Variants in GPC5 observed in about 807,000 individuals in gnomAD.
The protein encoded by GPC5 is glypican 5.
A neutral mutation model predicts 53.9 loss-of-function variants in GPC5; 47 were observed. The observed-to-expected ratio is 0.87, with a 90% CI of 0.69 to 1.11. GPC5 has a LOEUF of 1.11. Among genes scored for constraint, GPC5 ranks in the 50% most tolerant of loss-of-function variants. GPC5 has a pLI of 0.00. For missense variants in GPC5, 748 were observed against 713.1 expected, an observed-to-expected ratio of 1.05 and a Z score of -0.56; for synonymous variants, 286 against 263.3, an observed-to-expected ratio of 1.09 and a Z score of -0.84.
intron 2 of GPC5, among the ~76,000 whole-genome samples, chr13:91,591,270 C>T (rs1178468036): frequency 2.0e-5 from 3 of 152,192 alleles, no homozygotes; most frequent in Non-Finnish European, 4.4e-5. Flanking sequence ...TTCTTGCTTT[C>T]ATAAATTATC....
chr13:91,636,767 C>A (rs997995061), intron 2 of GPC5, among the ~76,000 whole-genome samples: 1 of 151,832 alleles, frequency 6.6e-6, no homozygotes, highest in African/African-American at 2.4e-5. Context: ...CCATCCTGGA[C>A]AACAAAGTGA....
chr13:92,292,123 G>A (rs1017486511), intron 7 of GPC5, among the ~76,000 whole-genome samples: 1 of 152,146 alleles, frequency 6.6e-6, no homozygotes, highest in African/African-American at 2.4e-5. Flanking sequence ...TTTTGCAATT[G>A]CAAATTGTGC....
chr13:92,638,496 C>G (rs1167087622), intron 7 of GPC5, among the ~76,000 whole-genome samples: 1 of 152,096 alleles, frequency 6.6e-6, no homozygotes, highest in Non-Finnish European at 1.5e-5. Context: ...GCTGCAGTCC[C>G]TGTAATTCAG....
At chr13:91,957,859 C>T (rs2040088432) in intron 6 of GPC5, among the ~76,000 whole-genome samples, 1 of 151,730 alleles carries the variant, frequency 6.6e-6, no homozygotes, top group Admixed American at 6.6e-5. Flanking sequence ...AATTTAAACC[C>T]CCGGTTAGAG....
At chr13:92,033,910 C>A (rs2040873079) in intron 6 of GPC5, among the ~76,000 whole-genome samples, 1 of 152,094 alleles carries the variant, frequency 6.6e-6, no homozygotes, top group African/African-American at 2.4e-5. Flanking sequence ...GACCACCGGC[C>A]TTAATTTCGT....
At chr13:91,655,523 C>T (rs564164456) in intron 2 of GPC5, among the ~76,000 whole-genome samples, 1 of 151,920 alleles carries the variant, frequency 6.6e-6, no homozygotes, top group South Asian at 2.1e-4. Flanking sequence ...GGCATTTAAT[C>T]ATATATAATC....
At chr13:92,372,032 A>G (rs1439777392) in intron 7 of GPC5, among the ~76,000 whole-genome samples, 1 of 152,178 alleles carries the variant, frequency 6.6e-6, no homozygotes, top group Non-Finnish European at 1.5e-5. Flanking sequence ...CCGCAGTCCT[A>G]CAATCACAAG....
chr13:92,525,573 T>C (rs546027820), intron 7 of GPC5, among the ~76,000 whole-genome samples: 7 of 151,954 alleles, frequency 4.6e-5, no homozygotes, highest in African/African-American at 1.7e-4. Context: ...GAAAGTTAAA[T>C]GTTTCTAATA....
chr13:92,269,703 G>A (rs1173257151), intron 7 of GPC5, among the ~76,000 whole-genome samples: 1 of 152,202 alleles, frequency 6.6e-6, no homozygotes, highest in Non-Finnish European at 1.5e-5. Flanking sequence ...ACCACACCTG[G>A]CCCGAAGGGA....
chr13:92,641,313 C>T (rs1455740618), intron 7 of GPC5, among the ~76,000 whole-genome samples: 1 of 151,870 alleles, frequency 6.6e-6, no homozygotes, highest in Non-Finnish European at 1.5e-5. Flanking sequence ...GCTGTATAAC[C>T]GAGTCTAATC....
At chr13:92,156,966 A>G (rs1379704652) in intron 7 of GPC5, among the ~76,000 whole-genome samples, 1 of 152,110 alleles carries the variant, frequency 6.6e-6, no homozygotes, top group African/African-American at 2.4e-5. Context: ...TTGATGTATG[A>G]ATATACCACA....
rs529784355 is a variant in GPC5, at chr13:92,454,228, AT to A, written c.1561+309246del. ...TGTTTGTTTTTGAATCCGTGAGGAC[AT>A]TTTTTTCCTTTTACAAAATTTAATA... is the stretch of plus-strand genomic sequence containing the variant. On this transcript the variant is annotated intron_variant, in intron 7 of 7. Transcript: ENST00000377067. Among the ~76,000 whole-genome samples the A allele has an allele frequency of 1.6e-4, 24 of 152,218 alleles. No homozygotes were observed. The South Asian group carries it at 4.8e-3, about 30-fold the overall frequency.
chr13:92,778,527 C>T (rs1875902760), intron 7 of GPC5, among the ~76,000 whole-genome samples: 1 of 152,160 alleles, frequency 6.6e-6, no homozygotes, highest in African/African-American at 2.4e-5. Context: ...AAACAGATAA[C>T]ATGTACTTAA....
chr13:91,398,989 C>A lies in GPC5; in HGVS notation c.-58C>A. ...GTGTCTTCCACGTCTGCAGCTCAGC[C>A]AGGGCGCGCAGGGCGAGTGGGGTCC... On this transcript the variant is annotated 5_prime_UTR_variant, in exon 1 of 8. Coordinates refer to ENST00000377067, the MANE Select transcript of GPC5 (RefSeq NM_004466.6). 2 of 1,517,110 alleles carry A rather than the reference C, an allele frequency of 1.3e-6. No individual in the cohort carries two copies. Among genetic ancestry groups the A allele is most frequent in the South Asian group, 1.2e-5 (1 of 80,744 alleles). The allele number at this position is 1,517,110 out of a possible 1,614,324, so 94.0% of individuals were successfully genotyped here.
At chr13:92,236,826 G>C (rs1594024273) in intron 7 of GPC5, among the ~76,000 whole-genome samples, 1 of 147,730 alleles carries the variant, frequency 6.8e-6, no homozygotes, top group Non-Finnish European at 1.5e-5. Flanking sequence ...TTGTTCACAG[G>C]GTTCTATATA....
rs2039333167 is a variant in GPC5, at chr13:91,887,227, C to T, written c.1281-20710C>T. Among the ~76,000 whole-genome samples the T allele has an allele frequency of 2.6e-5, 4 of 152,220 alleles. No homozygotes were observed. In the South Asian group the frequency reaches 8.3e-4, roughly 32 times the overall value. Reference sequence around the variant, plus strand: ...GCTTGAGGCTTTCAACCTCCAAAGACATGGTTTGAGCTGTACCCTGGTGTC... The same window carrying T: ...GCTTGAGGCTTTCAACCTCCAAAGATATGGTTTGAGCTGTACCCTGGTGTC... On this transcript the variant is annotated intron_variant, in intron 5 of 7. Transcript: ENST00000377067.
intron 7 of GPC5, among the ~76,000 whole-genome samples, chr13:92,797,859 AGATAGATAGAT>A (rs1452588574): frequency 1.0e-3 from 153 of 150,092 alleles, no homozygotes; most frequent in African/African-American, 1.9e-3. Context: ...ATAGATAGAT[AGATAGATAGAT>A]GATAGATGAT....
At position 92,441,064 on chromosome 13, in the gene GPC5, T is replaced by A. The variant is rs972530038; in HGVS notation, c.1561+296075T>A. On this transcript the variant is annotated intron_variant, in intron 7 of 7. Transcript: ENST00000377067. The stretch of plus-strand genomic sequence containing the variant: ...GCAGAAGCTCTTTAGTTTAATTAGG[T>A]CTCATTTATCGTTTTTTTTTCTTTT... Among the ~76,000 whole-genome samples, 3 of 152,104 alleles carry A rather than the reference T, an allele frequency of 2.0e-5. No homozygotes were observed. In the South Asian group the frequency reaches 6.2e-4, roughly 31 times the overall value.
chr13:91,422,123 T>C (rs1488082072), intron 1 of GPC5, among the ~76,000 whole-genome samples: 1 of 152,202 alleles, frequency 6.6e-6, no homozygotes, highest in African/African-American at 2.4e-5. Context: ...TATCCCTTTC[T>C]AGGCCTAGAA....
Sources: gnomAD v4.1 joint callset for allele counts (sites outside exome capture counted in the v4.1 genomes callset) on GRCh38, gnomAD v4.1.1 for gene constraint, MANE v1.5 for transcripts, NCBI Gene and HGNC (gene_info 2026-07-23, HGNC 2026-07-21) for gene names.